Variants in ARID1B observed in about 807,000 individuals in gnomAD.
ARID1B encodes AT-rich interactive domain-containing protein 1B.
In ARID1B, 30 loss-of-function variants were observed where a neutral mutation model predicts 212.3. That is an observed-to-expected ratio of 0.14 (90% CI 0.11 to 0.19). The LOEUF is 0.19. Ranked by LOEUF, ARID1B falls within the 10% of genes least tolerant of loss-of-function variation. The pLI is 1.00. For missense variants in ARID1B, 2,891 were observed against 3,204.0 expected, an observed-to-expected ratio of 0.90 and a Z score of 2.36; for synonymous variants, 1,402 against 1,301.7, an observed-to-expected ratio of 1.08 and a Z score of -1.66.
chr6:157,030,021 A>G lies in ARID1B; in HGVS notation c.2248-54641A>G, dbSNP rs191682673. Among the ~76,000 whole-genome samples, 223 of 152,274 alleles carry G rather than the reference A, an allele frequency of 1.5e-3. 1 individual carries two copies. The highest frequency in any genetic ancestry group is 3.7e-4 in the Non-Finnish European group (25 of 68,010). On this transcript the variant is annotated intron_variant, in intron 4 of 19. Transcript: ENST00000636930. The stretch of plus-strand genomic sequence containing the variant: ...TTTATTTAAAGTTGTACAGTGCATC[A>G]GTTAGTTTTTGCAGTAGTGCTCAGA...
chr6:157,071,694 A>G (rs1784014555), intron 4 of ARID1B: 1 of 152,186 alleles, frequency 6.6e-6, no homozygotes, highest in South Asian at 2.1e-4. Flanking sequence ...ATAACAATTT[A>G]TTTTAAAGTC....
chr6:156,908,313 T>C (rs1294553315), intron 3 of ARID1B, among the ~76,000 whole-genome samples: 1 of 152,236 alleles, frequency 6.6e-6, no homozygotes, highest in Non-Finnish European at 1.5e-5. Flanking sequence ...AATTTGTCCA[T>C]TTCATATAAT....
intron 8 of ARID1B, among the ~76,000 whole-genome samples, chr6:157,158,251 G>A (rs1790697224): frequency 6.6e-6 from 1 of 152,160 alleles, no homozygotes; most frequent in Admixed American, 6.5e-5. Context: ...ACTGAACAAT[G>A]TTTGGCTTTA....
Position 156,889,683 on chromosome 6 carries a change from G to A in ARID1B, c.1987-11693G>A, listed in dbSNP as rs1434035063. 2.6e-5 allele frequency among the ~76,000 whole-genome samples: 4 copies of A among 152,250 alleles called. No homozygotes were observed. In the South Asian group the frequency reaches 6.2e-4, roughly 24 times the overall value. ...GTACAGCCGTGTTTGCTGTGCCTTC[G>A]GGATCGTTTGTGCTATTCTAGCTGC... On this transcript the variant is annotated intron_variant, in intron 2 of 19. Transcript: ENST00000636930.
At position 157,184,377 on chromosome 6, in the gene ARID1B, G is replaced by A. The variant is rs759836095; in HGVS notation, c.3861G>A (p.Pro1287=). 2.5e-5 allele frequency: 40 copies of A among 1,614,036 alleles called. No homozygotes were observed. The highest frequency in any genetic ancestry group is 1.6e-4 in the Middle Eastern group (1 of 6,084). ...CKIERGEEPP[P]EVFSTGDTKK... is the part of the protein sequence containing the mutation. Reference sequence around the variant, plus strand: ...TCGAACGTGGGGAGGAGCCCCCGCCGGAAGTCTTCAGCACCGGGGACACCA... The same window carrying A: ...TCGAACGTGGGGAGGAGCCCCCGCCAGAAGTCTTCAGCACCGGGGACACCA... Residue 1287 remains proline, a synonymous_variant, in exon 13 of 20, where the codon CCG becomes CCA. Transcript: ENST00000636930.
intron 4 of ARID1B, chr6:156,942,304 G>A (rs775501686): frequency 1.3e-4 from 20 of 152,338 alleles, no homozygotes; most frequent in South Asian, 4.1e-4. Context: ...GATAAATGCA[G>A]ATATTCCTGG....
Position 156,777,874 on chromosome 6 carries a change from G to A in ARID1B, c.194G>A (p.Gly65Asp). The change falls in exon 1 of 20, where the codon GGC becomes GAC. Residue 65 changes from glycine to aspartate, a missense_variant. By Grantham distance (94) the Gly-to-Asp change is moderately conservative. Transcript: ENST00000636930. The part of the protein sequence containing the change: ...GPMLGGGGDG[G>D]GGLNSVHHHP... ...ATGCTGGGGGGCGGCGGCGACGGCG[G>A]CGGCGGCCTGAACAGTGTGCACCAC... 1.5e-6 allele frequency: 2 copies of A among 1,351,676 alleles called. No individual in the cohort carries two copies. The highest frequency in any genetic ancestry group is 3.6e-5 in the South Asian group (2 of 56,144). 83.7% of individuals were successfully genotyped at this position (1,351,676 alleles called of 1,614,324 possible).
chr6:157,158,229 A>G (rs1302383455), intron 8 of ARID1B, among the ~76,000 whole-genome samples: 2 of 152,214 alleles, frequency 1.3e-5, no homozygotes, highest in Non-Finnish European at 2.9e-5. Context: ...CCTTGCCTAA[A>G]TTTTAACCCT....
chr6:157,151,113 G>A (rs941069325), intron 8 of ARID1B: 10 of 153,210 alleles, frequency 6.5e-5, no homozygotes, highest in East Asian at 1.9e-4. Context: ...CATGGCTTTC[G>A]GCATGGCTGC....
intron 6 of ARID1B, among the ~76,000 whole-genome samples, chr6:157,125,852 T>C (rs905123168): frequency 7.2e-5 from 11 of 152,248 alleles, no homozygotes; most frequent in Admixed American, 2.6e-4. Context: ...TTTAGTTGAC[T>C]AAGATGTTAC....
At chr6:157,091,931 T>G (rs1486407126) in intron 5 of ARID1B, among the ~76,000 whole-genome samples, 1 of 152,236 alleles carries the variant, frequency 6.6e-6, no homozygotes, top group Non-Finnish European at 1.5e-5. Context: ...CTAATAATCT[T>G]ATTTTTAAAT....
intron 5 of ARID1B, among the ~76,000 whole-genome samples, chr6:157,105,749 G>A (rs891049727): frequency 2.6e-5 from 4 of 151,974 alleles, no homozygotes; most frequent in South Asian, 2.1e-4. Context: ...TTACAGGCAC[G>A]CATCACCATA....
chr6:156,853,216 C>T (rs1268824937), intron 2 of ARID1B, among the ~76,000 whole-genome samples: 1 of 152,134 alleles, frequency 6.6e-6, no homozygotes, highest in East Asian at 1.9e-4. Context: ...CTTAAGTATG[C>T]CTGTATTGAA....
chr6:157,061,600 A>G (rs1783346943), intron 4 of ARID1B, among the ~76,000 whole-genome samples: 1 of 152,128 alleles, frequency 6.6e-6, no homozygotes, highest in South Asian at 2.1e-4. Context: ...TTGCCCAGTT[A>G]TAGTTGAATT....
chr6:157,189,963 G>T (rs1213226503), intron 14 of ARID1B, 75 bp from the exon 15 acceptor site: 1 of 1,584,738 alleles, frequency 6.3e-7, no homozygotes, highest in Non-Finnish European at 8.6e-7. Context: ...TTCAAGATGG[G>T]TTCATCTTCT....
At chr6:157,177,455 A>G (rs1197195378) in intron 11 of ARID1B, among the ~76,000 whole-genome samples, 2 of 152,240 alleles carry the variant, frequency 1.3e-5, no homozygotes, top group Non-Finnish European at 2.9e-5. Flanking sequence ...TGTCCTTAAT[A>G]AAGCCTGTCT....
chr6:156,941,721 A>G (rs989981848), intron 4 of ARID1B: 4 of 152,350 alleles, frequency 2.6e-5, no homozygotes, highest in South Asian at 2.1e-4. Context: ...TCCTTCTTTC[A>G]AAACAATCTT....
At position 157,206,327 on chromosome 6, in the gene ARID1B, G is replaced by C. The variant is rs138020626; in HGVS notation, c.5555G>C (p.Gly1852Ala). 6.2e-7 allele frequency: 1 copy of C among 1,614,158 alleles called. No individual in the cohort carries two copies. Among genetic ancestry groups the C allele is most frequent in the Admixed American group, 1.7e-5 (1 of 60,018 alleles). The change falls in exon 20 of 20, where the codon GGG becomes GCG. Residue 1852 changes from glycine (G) to alanine (A), a missense_variant. By Grantham distance (60) the Gly-to-Ala change is moderately conservative. Around this residue, in one of 7 missense-constraint regions of ARID1B, gnomAD observed 332 missense variants for 369.2 expected, o/e 0.90. Transcript: ENST00000636930. This position sits in a 1 kb window ranked among gnomAD's most constrained non-coding sequence, Gnocchi z 6.8. ...DDSQSLADDS[G>A]KEEEDAECID... ...AGCCAGTCCTTGGCAGACGATTCTG[G>C]GAAAGAGGAGGAAGATGCTGAATGT... is the stretch of plus-strand genomic sequence containing the variant.
At chr6:157,045,870 A>C (rs560775002) in intron 4 of ARID1B, among the ~76,000 whole-genome samples, 1 of 152,254 alleles carries the variant, frequency 6.6e-6, no homozygotes, top group East Asian at 1.9e-4. Flanking sequence ...TAAAGCAAAA[A>C]ATTTACTGTT....
Sources: allele counts gnomAD v4.1 joint callset (sites outside exome capture counted in the v4.1 genomes callset), GRCh38; gene constraint gnomAD v4.1.1; regional missense constraint gnomAD v4.1.1; non-coding constraint Gnocchi (gnomAD v3.1); transcripts MANE v1.5; gene names NCBI Gene and HGNC (gene_info 2026-07-23, HGNC 2026-07-21).